The following PCDHA10 variants were observed in gnomAD, a reference collection of about 807,000 sequenced individuals.
The protein encoded by PCDHA10 is protocadherin alpha 10.
PCDHA10 carries 45 observed loss-of-function variants against 61.2 expected under a neutral mutation model. The ratio of observed to expected loss-of-function variants is 0.74; its 90% confidence interval spans 0.58 to 0.94. The LOEUF is 0.94. Among genes scored for constraint, PCDHA10 ranks in the 40% least tolerant of loss-of-function variants. The pLI is 0.00. For synonymous variants in PCDHA10, 602 were observed against 548.8 expected, an observed-to-expected ratio of 1.10 and a Z score of -1.35; for missense variants, 1,278 against 1,236.2, an observed-to-expected ratio of 1.03 and a Z score of -0.51.
chr5:140,906,327 A>G (rs1240461628), intron 1 of PCDHA10, among the ~76,000 whole-genome samples: 2 of 152,322 alleles, frequency 1.3e-5, no homozygotes, highest in African/African-American at 4.8e-5. Flanking sequence ...TGATACAACT[A>G]TCCTTCATAC....
chr5:140,928,939 T>C (rs367874769), intron 1 of PCDHA10: 1 of 1,614,130 alleles, frequency 6.2e-7, no homozygotes, highest in Non-Finnish European at 8.5e-7. Context: ...CCAGAACTTG[T>C]ATTTAGTAAT....
chr5:140,943,129 G>T (rs2093422146), intron 1 of PCDHA10, among the ~76,000 whole-genome samples: 1 of 151,684 alleles, frequency 6.6e-6, no homozygotes, highest in South Asian at 2.1e-4. Flanking sequence ...GTGGTAGTGG[G>T]TGCCTGTAGT....
At chr5:140,905,135 T>A (rs2071619691) in intron 1 of PCDHA10, among the ~76,000 whole-genome samples, 1 of 152,208 alleles carries the variant, frequency 6.6e-6, no homozygotes, top group Non-Finnish European at 1.5e-5. Context: ...GAAGAGTTTT[T>A]CTGCTGTTAT....
intron 1 of PCDHA10, among the ~76,000 whole-genome samples, chr5:140,954,347 G>A (rs145658065): frequency 0.023 from 3,565 of 152,288 alleles, 49 homozygotes; most frequent in Middle Eastern, 0.034. Flanking sequence ...CTAGATCTTT[G>A]AGGAATCGCC....
intron 3 of PCDHA10, among the ~76,000 whole-genome samples, chr5:140,993,344 A>G (rs1379621962): frequency 1.3e-5 from 2 of 152,022 alleles, no homozygotes; most frequent in Admixed American, 6.6e-5. Context: ...GAAGGGCACT[A>G]CGAAGATCCT....
chr5:140,929,257 C>G, intron 1 of PCDHA10: 2 of 1,612,972 alleles, frequency 1.2e-6, no homozygotes, highest in Admixed American at 3.3e-5. Flanking sequence ...TGGGGTAGGA[C>G]TGAATTTGCC....
At chr5:140,893,273 A>G (rs1381847994) in intron 1 of PCDHA10, among the ~76,000 whole-genome samples, 1 of 152,150 alleles carries the variant, frequency 6.6e-6, no homozygotes, top group Non-Finnish European at 1.5e-5. Context: ...CAATAGTGGA[A>G]TTGCTGGATG....
Position 141,011,828 on chromosome 5 carries a change from T to C in PCDHA10, c.*1891T>C, listed in dbSNP as rs76856184. The C allele has an allele frequency of 2.5e-3, 389 of 153,920 alleles. 1 individual carries two copies. Among genetic ancestry groups the C allele is most frequent in the African/African-American group, 9.1e-3 (378 of 41,598 alleles). The allele number at this position is 153,920 out of a possible 1,614,324, so 9.5% of individuals were successfully genotyped here. ...GCTCATAGAAAGTAACAAAATTTGC[T>C]GTCACCTTAAATAAGACATTTTAAT... On this transcript the variant is annotated 3_prime_UTR_variant, in exon 4 of 4. Transcript: ENST00000307360.
chr5:140,962,216 G>C (rs554182128), intron 1 of PCDHA10, among the ~76,000 whole-genome samples: 2 of 152,170 alleles, frequency 1.3e-5, no homozygotes, highest in African/African-American at 4.8e-5. Context: ...TATTGATCTT[G>C]AGGTTCAAGT....
At chr5:140,896,012 T>C (rs1554186792) in intron 1 of PCDHA10, among the ~76,000 whole-genome samples, 3 of 152,162 alleles carry the variant, frequency 2.0e-5, no homozygotes, top group African/African-American at 7.2e-5. Context: ...GGTTTCTCCA[T>C]GTTGGCCAGG....
intron 3 of PCDHA10, among the ~76,000 whole-genome samples, chr5:140,991,094 A>G (rs144874764): frequency 9.8e-4 from 150 of 152,358 alleles, no homozygotes; most frequent in African/African-American, 3.5e-3. Context: ...ATTAAAGCTC[A>G]TAAGAATTAA....
chr5:140,973,549 A>G (rs1040107774), intron 1 of PCDHA10, among the ~76,000 whole-genome samples: 2 of 152,230 alleles, frequency 1.3e-5, no homozygotes, highest in Non-Finnish European at 2.9e-5. Context: ...ATTTATTTCA[A>G]TTACCTCTTT....
At chr5:140,929,293 A>G in intron 1 of PCDHA10, 1 of 1,594,458 alleles carries the variant, frequency 6.3e-7, no homozygotes, top group Non-Finnish European at 8.6e-7. Flanking sequence ...GATTCGGAAT[A>G]GGAAAGGGGA....
intron 3 of PCDHA10, among the ~76,000 whole-genome samples, chr5:140,989,886 C>T (rs954644773): frequency 1.3e-5 from 2 of 151,784 alleles, no homozygotes. Flanking sequence ...CACTTGGAGT[C>T]TCCGTTATTC....
rs1310704954 is a variant in PCDHA10, at chr5:141,010,062, A to C, written c.*125A>C. 1.2e-6 allele frequency: 2 copies of C among 1,602,540 alleles called. No homozygotes were observed. The highest frequency in any genetic ancestry group is 1.7e-6 in the Non-Finnish European group (2 of 1,174,354). Reference sequence around the variant, plus strand: ...CCTCTTAGAGACCTCAGAAATCTGCAGAAAGTTCCCTGTGTCTGTCTAGAA... The same window carrying C: ...CCTCTTAGAGACCTCAGAAATCTGCCGAAAGTTCCCTGTGTCTGTCTAGAA... On this transcript the variant is annotated 3_prime_UTR_variant, in exon 4 of 4. Transcript: ENST00000307360.
intron 1 of PCDHA10, among the ~76,000 whole-genome samples, chr5:140,924,669 C>T (rs2081944464): frequency 6.6e-6 from 1 of 151,998 alleles, no homozygotes; most frequent in African/African-American, 2.4e-5. Flanking sequence ...CCGAGGCAGG[C>T]CAATCACTTG....
At chr5:140,994,222 C>T (rs2097605581) in intron 3 of PCDHA10, among the ~76,000 whole-genome samples, 1 of 152,168 alleles carries the variant, frequency 6.6e-6, no homozygotes, top group Admixed American at 6.5e-5. Context: ...CAGGGTCTGT[C>T]TATGTTATAA....
At chr5:140,973,272 TC>T (rs1412629943) in intron 1 of PCDHA10, among the ~76,000 whole-genome samples, 1 of 152,134 alleles carries the variant, frequency 6.6e-6, no homozygotes, top group African/African-American at 2.4e-5. Flanking sequence ...TACTTTTATT[TC>T]CCCCAGCACT....
At chr5:140,926,829 G>A in intron 1 of PCDHA10, 1 of 1,501,192 alleles carries the variant, frequency 6.7e-7, no homozygotes, top group Middle Eastern at 2.1e-4. Context: ...CCAGGAGTCC[G>A]GAGCATGGTC....
Sources: gnomAD v4.1 joint callset for allele counts (sites outside exome capture counted in the v4.1 genomes callset) on GRCh38, gnomAD v4.1.1 for gene constraint, MANE v1.5 for transcripts, NCBI Gene and HGNC (gene_info 2026-07-23, HGNC 2026-07-21) for gene names.